Variants in TLE1 observed in about 807,000 individuals in gnomAD.
TLE1 encodes the protein transducin-like enhancer protein 1.
In TLE1, 21 loss-of-function variants were observed where a neutral mutation model predicts 89.8. The ratio of observed to expected loss-of-function variants is 0.23; its 90% confidence interval spans 0.17 to 0.34. The LOEUF (loss-of-function observed/expected upper bound fraction) is 0.34. Among genes scored for constraint, TLE1 ranks in the 10% least tolerant of loss-of-function variants. The pLI is 1.00. For synonymous variants in TLE1, 447 were observed against 407.6 expected, an observed-to-expected ratio of 1.10 and a Z score of -1.16; for missense variants, 795 against 1,031.2, an observed-to-expected ratio of 0.77 and a Z score of 3.14.
intron 4 of TLE1, among the ~76,000 whole-genome samples, chr9:81,680,810 C>A (rs1402556842): frequency 6.6e-6 from 1 of 151,980 alleles, no homozygotes; most frequent in African/African-American, 2.4e-5. Flanking sequence ...ATTATTAACA[C>A]CTGCTGGAGC....
chr9:81,634,352 G>T, intron 6 of TLE1, 51 bp from the exon 7 acceptor site: 1 of 1,400,462 alleles, frequency 7.1e-7, no homozygotes, highest in South Asian at 1.6e-5. Flanking sequence ...AGGAGGTAGT[G>T]GTGACAGTGA....
chr9:81,685,111 G>A (rs968815973), intron 4 of TLE1, among the ~76,000 whole-genome samples: 2 of 152,064 alleles, frequency 1.3e-5, no homozygotes, highest in South Asian at 4.1e-4. Flanking sequence ...ATAAAAAGAT[G>A]CTTTTTTCAC....
At chr9:81,620,002 T>C (rs1825025272) in intron 9 of TLE1, among the ~76,000 whole-genome samples, 2 of 152,200 alleles carry the variant, frequency 1.3e-5, no homozygotes, top group Admixed American at 1.3e-4. Context: ...TGTGACACTA[T>C]AATTTTTACT....
chr9:81,687,930 G>A (rs1450151535), intron 1 of TLE1, among the ~76,000 whole-genome samples: 2 of 152,116 alleles, frequency 1.3e-5, no homozygotes, highest in African/African-American at 4.8e-5. Context: ...CCCCCACTCG[G>A]GGAAGGTAGA....
intron 8 of TLE1, among the ~76,000 whole-genome samples, chr9:81,629,576 A>G (rs887266268): frequency 1.3e-5 from 2 of 152,242 alleles, no homozygotes; most frequent in African/African-American, 2.4e-5. Flanking sequence ...ATGTGTCACT[A>G]AACAACAGGG....
At chr9:81,609,126 C>T (rs1823378649) in intron 14 of TLE1, among the ~76,000 whole-genome samples, 1 of 151,952 alleles carries the variant, frequency 6.6e-6, no homozygotes, top group African/African-American at 2.4e-5. Flanking sequence ...CTTCTGTCAC[C>T]CAGGCTGGAG....
At chr9:81,588,635 C>T (rs1204131636) in intron 16 of TLE1, among the ~76,000 whole-genome samples, 1 of 152,192 alleles carries the variant, frequency 6.6e-6, no homozygotes, top group East Asian at 1.9e-4. Flanking sequence ...AGCACAGATG[C>T]TGTGCAAGGC....
At chr9:81,625,222 G>A (rs1825761017) in intron 8 of TLE1, among the ~76,000 whole-genome samples, 1 of 152,168 alleles carries the variant, frequency 6.6e-6, no homozygotes, top group African/African-American at 2.4e-5. Flanking sequence ...GATCTCAAGA[G>A]GGCATCTTCA....
At chr9:81,680,372 T>C (rs920628795) in intron 4 of TLE1, among the ~76,000 whole-genome samples, 18 of 152,226 alleles carry the variant, frequency 1.2e-4, no homozygotes, top group Non-Finnish European at 2.1e-4. Context: ...GGCCTGACTC[T>C]ACCTCCTGTC....
intron 4 of TLE1, among the ~76,000 whole-genome samples, chr9:81,660,310 T>C (rs570178344): frequency 2.7e-5 from 4 of 150,854 alleles, no homozygotes; most frequent in Non-Finnish European, 5.9e-5. Context: ...AGATAAACCA[T>C]TACTAAACAG....
intron 4 of TLE1, among the ~76,000 whole-genome samples, chr9:81,679,256 A>G (rs1470646843): frequency 6.6e-6 from 1 of 152,188 alleles, no homozygotes; most frequent in East Asian, 1.9e-4. Context: ...AAAAAATATT[A>G]CGGTGACTGG....
At chr9:81,660,400 TTTA>T (rs1323416336) in intron 4 of TLE1, among the ~76,000 whole-genome samples, 4 of 151,912 alleles carry the variant, frequency 2.6e-5, no homozygotes, top group African/African-American at 9.7e-5. Flanking sequence ...CATGTATGGT[TTTA>T]TTTTTTTATT....
chr9:81,667,765 G>A (rs1433279977), intron 4 of TLE1, among the ~76,000 whole-genome samples: 1 of 152,176 alleles, frequency 6.6e-6, no homozygotes, highest in Non-Finnish European at 1.5e-5. Flanking sequence ...TGGGAAGGAA[G>A]ATAAGGTTGC....
rs542066783 is a variant in TLE1, at chr9:81,636,118, G to C, written c.373-1817C>G. ...TGGAAAAGGGGATGAGGTCAGAACA[G>C]GCAGCATTCATAGCATTCTTGGAAA... is the stretch of plus-strand genomic sequence containing the variant. On this transcript the variant is annotated intron_variant, in intron 6 of 19. Coordinates refer to ENST00000376499, the MANE Select transcript of TLE1 (RefSeq NM_005077.5). Among the ~76,000 whole-genome samples the C allele has an allele frequency of 2.0e-5, 3 of 152,268 alleles. No individual in the cohort carries two copies. In the East Asian group the frequency reaches 5.8e-4, roughly 29 times the overall value.
At chr9:81,688,032 G>A (rs991352829) in intron 1 of TLE1, among the ~76,000 whole-genome samples, 185 bp downstream of exon 1, 2 of 152,006 alleles carry the variant, frequency 1.3e-5, no homozygotes, top group African/African-American at 4.8e-5. Context: ...CCAAAGGGAG[G>A]GAGAAAATTA....
rs1412228540 is a variant in TLE1, at chr9:81,634,132, T to A, written c.542A>T (p.Asp181Val). 1 of 1,609,042 alleles carries A rather than the reference T, an allele frequency of 6.2e-7. No homozygotes were observed. The highest frequency in any genetic ancestry group is 1.7e-5 in the Admixed American group (1 of 59,620). Residue 181 changes from aspartate to valine, a missense_variant, in exon 7 of 20, where the codon GAT becomes GTT. By Grantham distance (152) the Asp-to-Val change is radical. This residue lies in a region of TLE1 where 468 missense variants were observed against 509.1 expected (regional missense o/e 0.92). Transcript: ENST00000376499. Reference protein sequence around the residue: ...LSGQSHLAIKDDKKHHDAEHH... With the variant: ...LSGQSHLAIKVDKKHHDAEHH... ...CTCTGCATCGTGGTGCTTCTTGTCA[T>A]CTTTTATTGCCAAGTGAGACTGCCC...
intron 2 of TLE1, among the ~76,000 whole-genome samples, chr9:81,686,868 T>C (rs1001890697): frequency 3.3e-5 from 5 of 152,128 alleles, no homozygotes; most frequent in Non-Finnish European, 2.9e-5. Context: ...CCATCACCAA[T>C]GATGGGCAAT....
chr9:81,670,710 A>G (rs1448617013), intron 4 of TLE1, among the ~76,000 whole-genome samples: 1 of 70,148 alleles, frequency 1.4e-5, no homozygotes, highest in Non-Finnish European at 2.5e-5. Flanking sequence ...CCAGAAGCTA[A>G]TCAGAAAAAA....
chr9:81,607,558 T>C (rs1217463544), intron 14 of TLE1, among the ~76,000 whole-genome samples: 1 of 152,178 alleles, frequency 6.6e-6, no homozygotes, highest in Non-Finnish European at 1.5e-5. Context: ...CTTGGCCTTA[T>C]TTGCCTGTTA....
Sources: allele counts gnomAD v4.1 joint callset (sites outside exome capture counted in the v4.1 genomes callset), GRCh38; gene constraint gnomAD v4.1.1; regional missense constraint gnomAD v4.1.1; transcripts MANE v1.5; gene names NCBI Gene and HGNC (gene_info 2026-07-23, HGNC 2026-07-21).